Variants in ABTB3 observed in about 807,000 individuals in gnomAD.
The protein encoded by ABTB3 is ankyrin repeat and BTB domain containing 3.
chr12:107,450,188 C>T, the ABTB3 span, among the ~76,000 whole-genome samples: 1 of 151,846 alleles, frequency 6.6e-6, no homozygotes, highest in Non-Finnish European at 1.5e-5. Flanking sequence ...ACTTTTTTCT[C>T]CCTTTTTTAA....
the ABTB3 span, chr12:107,580,842 A>G: frequency 6.5e-7 from 1 of 1,540,654 alleles, no homozygotes; most frequent in South Asian, 1.2e-5. Context: ...GATCGCCGAG[A>G]GGGATAATAT....
At chr12:107,500,047 G>C in the ABTB3 span, among the ~76,000 whole-genome samples, 8 of 152,210 alleles carry the variant, frequency 5.3e-5, no homozygotes, top group African/African-American at 1.9e-4. Flanking sequence ...AGAACAGCAT[G>C]GGAGAAACAG....
At chr12:107,642,246 G>A in the ABTB3 span, 1 of 1,379,820 alleles carries the variant, frequency 7.2e-7, no homozygotes, top group Non-Finnish European at 1.0e-6. Flanking sequence ...TCCTCAGCCT[G>A]AGGATTGGCC....
chr12:107,370,988 C>T, the ABTB3 span, among the ~76,000 whole-genome samples: 7 of 152,064 alleles, frequency 4.6e-5, no homozygotes, highest in African/African-American at 1.2e-4. Context: ...TTTATCTCAG[C>T]GGGCATTGTC....
the ABTB3 span, among the ~76,000 whole-genome samples, chr12:107,526,578 C>T: frequency 6.6e-6 from 1 of 152,074 alleles, no homozygotes; most frequent in Non-Finnish European, 1.5e-5. Context: ...CCCCCAAGCT[C>T]CCAGTTAAAC....
At chr12:107,588,171 G>A in the ABTB3 span, among the ~76,000 whole-genome samples, 1 of 152,116 alleles carries the variant, frequency 6.6e-6, no homozygotes, top group South Asian at 2.1e-4. Flanking sequence ...ATTAGATTAA[G>A]GCCTGCCGTA....
At chr12:107,457,515 A>G in the ABTB3 span, among the ~76,000 whole-genome samples, 1 of 152,180 alleles carries the variant, frequency 6.6e-6, no homozygotes, top group East Asian at 1.9e-4. Context: ...AGGCTGATCT[A>G]TGGCTTTTAA....
chr12:107,525,347 A>AG, the ABTB3 span, among the ~76,000 whole-genome samples: 3 of 149,742 alleles, frequency 2.0e-5, no homozygotes, highest in Non-Finnish European at 3.0e-5. Flanking sequence ...AAAAAAAAAA[A>AG]AAAGAAAGAA....
the ABTB3 span, among the ~76,000 whole-genome samples, chr12:107,568,726 T>C: frequency 2.0e-5 from 3 of 152,154 alleles, no homozygotes; most frequent in South Asian, 4.1e-4. Context: ...TTCTTTATAT[T>C]AATATTTTTG....
the ABTB3 span, chr12:107,318,818 G>C: frequency 2.7e-6 from 3 of 1,113,396 alleles, no homozygotes; most frequent in Admixed American, 2.7e-5. Flanking sequence ...GGTAGCAGCG[G>C]CTAGTGGAAA....
At chr12:107,564,076 CTCTA>C in the ABTB3 span, among the ~76,000 whole-genome samples, 572 of 147,422 alleles carry the variant, frequency 3.9e-3, 26 homozygotes, top group East Asian at 0.1. Flanking sequence ...CTCTCTCTCT[CTCTA>C]TCTATCTCTC....
chr12:107,517,841 G>C, the ABTB3 span, among the ~76,000 whole-genome samples: 1 of 151,696 alleles, frequency 6.6e-6, no homozygotes, highest in African/African-American at 2.4e-5. Flanking sequence ...TACAGAATGG[G>C]AGAAAATTTT....
chr12:107,319,734 G>A, the ABTB3 span: 3 of 1,527,734 alleles, frequency 2.0e-6, no homozygotes, highest in Non-Finnish European at 2.6e-6. Context: ...AGTGGCCCTG[G>A]GTCAGGCTCG....
the ABTB3 span, chr12:107,658,471 C>T: frequency 1.3e-5 from 2 of 152,410 alleles, no homozygotes; most frequent in South Asian, 2.1e-4. Flanking sequence ...AGGTGCACTG[C>T]CAATAAGTAT....
the ABTB3 span, chr12:107,657,930 G>C: frequency 1.0e-5 from 6 of 597,652 alleles, no homozygotes; most frequent in Non-Finnish European, 1.5e-5. Flanking sequence ...TGGGCAACTG[G>C]ACAACCAAGT....
the ABTB3 span, among the ~76,000 whole-genome samples, chr12:107,351,284 C>T: frequency 6.6e-6 from 1 of 152,192 alleles, no homozygotes; most frequent in African/African-American, 2.4e-5. Context: ...TTGCTGAGGG[C>T]ACTGGCTTAT....
the ABTB3 span, among the ~76,000 whole-genome samples, chr12:107,529,577 A>G: frequency 6.6e-6 from 1 of 152,206 alleles, no homozygotes; most frequent in African/African-American, 2.4e-5. Context: ...AATGCTTTAT[A>G]TGCATTTCTT....
chr12:107,367,216 A>C, the ABTB3 span, among the ~76,000 whole-genome samples: 2 of 152,226 alleles, frequency 1.3e-5, no homozygotes, highest in Admixed American at 6.5e-5. Flanking sequence ...CTATACCTTC[A>C]TACCAAGGGG....
the ABTB3 span, among the ~76,000 whole-genome samples, chr12:107,622,213 C>T: frequency 2.8e-4 from 42 of 152,182 alleles, no homozygotes; most frequent in African/African-American, 9.7e-4. Flanking sequence ...ATGCACTGAC[C>T]ACTGGCCGGG....
Sources: gnomAD v4.1 joint callset for allele counts (sites outside exome capture counted in the v4.1 genomes callset) on GRCh38, gnomAD v4.1.1 for gene constraint, MANE v1.5 for transcripts, NCBI Gene and HGNC (gene_info 2026-07-23, HGNC 2026-07-21) for gene names.